The following ABL1 variants were observed in gnomAD, a reference collection of about 807,000 sequenced individuals.
ABL1 encodes the protein tyrosine-protein kinase ABL1.
A neutral mutation model predicts 94.7 loss-of-function variants in ABL1; 11 were observed. The observed-to-expected ratio is 0.12, with a 90% CI of 0.07 to 0.19. The LOEUF (loss-of-function observed/expected upper bound fraction) is 0.19, where lower values mean the gene tolerates loss of function less well. ABL1 is among the 10% of genes least tolerant of loss of function. ABL1 has a pLI of 1.00. For synonymous variants in ABL1, 656 were observed against 622.4 expected, an observed-to-expected ratio of 1.05 and a Z score of -0.80; for missense variants, 1,082 against 1,489.4, an observed-to-expected ratio of 0.73 and a Z score of 4.50.
chr9:130,761,469 C>T (rs958438747), intron 1 of ABL1, among the ~76,000 whole-genome samples: 1 of 152,212 alleles, frequency 6.6e-6, no homozygotes, highest in Non-Finnish European at 1.5e-5. Context: ...TCTTTTAAAG[C>T]ATTATTCAGA....
upstream of ABL1, chr9:130,835,011 CGCCGGG>C (rs1244894724): frequency 1.2e-5 from 4 of 347,592 alleles, no homozygotes. This position sits in a 1 kb window ranked among gnomAD's most constrained non-coding sequence, Gnocchi z 4.6. Flanking sequence ...GCACCCTCCC[CGCCGGG>C]GCTGGGACGG....
chr9:130,737,128 G>C (rs1831754150), intron 1 of ABL1, among the ~76,000 whole-genome samples: 1 of 152,024 alleles, frequency 6.6e-6, no homozygotes, highest in South Asian at 2.1e-4. Context: ...AGTAAGGAGA[G>C]ACTTTATTGA....
At chr9:130,726,986 G>A (rs1397630847) in intron 1 of ABL1, among the ~76,000 whole-genome samples, 1 of 152,052 alleles carries the variant, frequency 6.6e-6, no homozygotes, top group Non-Finnish European at 1.5e-5. Context: ...AGATATCTTG[G>A]TTTCTAATTT....
chr9:130,762,923 A>AAG (rs1564283286), intron 1 of ABL1, among the ~76,000 whole-genome samples: 1 of 151,810 alleles, frequency 6.6e-6, no homozygotes, highest in Admixed American at 6.6e-5. Flanking sequence ...AAAAAAAAAA[A>AAG]AAAGAAAAGG....
intron 1 of ABL1, among the ~76,000 whole-genome samples, chr9:130,765,173 C>T (rs1188560718): frequency 1.3e-5 from 2 of 152,076 alleles, no homozygotes; most frequent in African/African-American, 2.4e-5. Flanking sequence ...TTTGTGCAGT[C>T]TCATGTTTGG....
intron 3 of ABL1, among the ~76,000 whole-genome samples, chr9:130,858,488 C>T (rs1170390869): frequency 1.3e-5 from 2 of 152,096 alleles, no homozygotes; most frequent in Non-Finnish European, 2.9e-5. Context: ...GCCGTTTGGG[C>T]ACCTGGGGAC....
intron 1 of ABL1, among the ~76,000 whole-genome samples, chr9:130,754,986 T>G (rs1021792654): frequency 6.6e-6 from 1 of 152,070 alleles, no homozygotes; most frequent in African/African-American, 2.4e-5. Context: ...AAGATGACCT[T>G]GAGTACCAAG....
At chr9:130,715,029 A>T (rs750745205) in intron 1 of ABL1, among the ~76,000 whole-genome samples, 2 of 152,200 alleles carry the variant, frequency 1.3e-5, no homozygotes, top group Non-Finnish European at 2.9e-5. Context: ...TGAATTTTAG[A>T]TAGACAGCTT....
intron 1 of ABL1, among the ~76,000 whole-genome samples, chr9:130,764,964 AAAAAG>A (rs1372605701): frequency 2.0e-5 from 3 of 152,236 alleles, no homozygotes; most frequent in Middle Eastern, 3.4e-3. Flanking sequence ...AAAAAAAAAA[AAAAAG>A]AGGATACAAG....
chr9:130,740,964 G>A (rs1226434656), intron 1 of ABL1, among the ~76,000 whole-genome samples: 1 of 151,742 alleles, frequency 6.6e-6, no homozygotes, highest in Non-Finnish European at 1.5e-5. Flanking sequence ...TTATCACTGT[G>A]AGGAGTAAAC....
At chr9:130,753,067 T>A (rs1212065756) in intron 1 of ABL1, among the ~76,000 whole-genome samples, 1 of 151,412 alleles carries the variant, frequency 6.6e-6, no homozygotes, top group African/African-American at 2.4e-5. Context: ...CCATCCTGGC[T>A]AACACGGTGA....
chr9:130,745,171 A>G (rs1564276944), intron 1 of ABL1, among the ~76,000 whole-genome samples: 1 of 137,982 alleles, frequency 7.2e-6, no homozygotes, highest in Non-Finnish European at 1.6e-5. Flanking sequence ...TGCAACCTCC[A>G]CCTCCTGGGT....
chr9:130,811,126 A>G (rs1830203249), intron 1 of ABL1, among the ~76,000 whole-genome samples: 1 of 152,166 alleles, frequency 6.6e-6, no homozygotes, highest in African/African-American at 2.4e-5. Flanking sequence ...GGAAGAATTT[A>G]TTACCAGTAG....
intron 1 of ABL1, among the ~76,000 whole-genome samples, chr9:130,847,281 T>G (rs1830787875): frequency 6.6e-6 from 1 of 152,166 alleles, no homozygotes; most frequent in African/African-American, 2.4e-5. Context: ...TAAAAAAATT[T>G]AAGAATAATA....
At chr9:130,771,236 G>GTGTGTGTA (rs1832247481) in intron 1 of ABL1, among the ~76,000 whole-genome samples, 1 of 147,242 alleles carries the variant, frequency 6.8e-6, no homozygotes, top group South Asian at 2.1e-4. Context: ...ATGTATGTGT[G>GTGTGTGTA]TGTGTGTATG....
At chr9:130,736,987 C>G (rs1831752589) in intron 1 of ABL1, among the ~76,000 whole-genome samples, 1 of 152,164 alleles carries the variant, frequency 6.6e-6, no homozygotes, top group African/African-American at 2.4e-5. Context: ...ATTCCAAGCT[C>G]CAGAGGACCT....
In ABL1 at chr9:130,848,210, T is replaced by G. The variant is rs569149183; in HGVS notation, c.80-5854T>G. On this transcript the variant is annotated intron_variant, in intron 1 of 10. Coordinates refer to ENST00000318560, the MANE Select transcript of ABL1 (RefSeq NM_005157.6). ...TTTTCATGTTAAATTATCAATTATG[T>G]AAGTTTAGGGCCAGGCGCGGTGGCT... 3.7e-4 allele frequency among the ~76,000 whole-genome samples: 56 copies of G among 152,074 alleles called. No homozygotes were observed. The South Asian group carries it at 0.011, about 31-fold the overall frequency.
At chr9:130,854,012 T>A in intron 1 of ABL1, 52 bp from the exon 2 acceptor site, 2 of 1,544,172 alleles carry the variant, frequency 1.3e-6, no homozygotes, top group Non-Finnish European at 1.7e-6. Flanking sequence ...TAATTTTTTC[T>A]CCCAATTTTC....
intron 1 of ABL1, among the ~76,000 whole-genome samples, chr9:130,771,760 T>TTCTTTCTTTCTTTC (rs1588233099): frequency 5.0e-5 from 3 of 59,612 alleles, no homozygotes; most frequent in Non-Finnish European, 8.1e-5. Flanking sequence ...TTCTTTTTTT[T>TTCTTTCTTTCTTTC]TTTTTTTTTT....
Sources: gnomAD v4.1 joint callset for allele counts (sites outside exome capture counted in the v4.1 genomes callset) on GRCh38, gnomAD v4.1.1 for gene constraint, Gnocchi (gnomAD v3.1) non-coding constraint, MANE v1.5 for transcripts, NCBI Gene and HGNC (gene_info 2026-07-23, HGNC 2026-07-21) for gene names.